CCNI: variants seen among roughly 807,000 people sequenced by gnomAD.
The protein encoded by CCNI is cyclin I, also known as cyclin-I.
CCNI carries 14 observed loss-of-function variants against 34.1 expected under a neutral mutation model. That is an observed-to-expected ratio of 0.41 (90% CI 0.27 to 0.64). The LOEUF is 0.64. Ranked by LOEUF, CCNI falls within the 30% of genes least tolerant of loss-of-function variation. The pLI is 0.31. For missense variants in CCNI, 385 were observed against 440.5 expected (o/e 0.87, Z 1.13); for synonymous variants, 154 against 158.4 (o/e 0.97, Z 0.21).
intron 2 of CCNI, among the ~76,000 whole-genome samples, chr4:77,064,245 C>CA (rs34789250): frequency 0.016 from 2,063 of 127,996 alleles, 43 homozygotes; most frequent in African/African-American, 0.051. Flanking sequence ...AACTCCTTCT[C>CA]AAAAAAAAAA....
At chr4:77,075,415 G>C in intron 1 of CCNI, 57 bp downstream of exon 1, 1 of 745,986 alleles carries the variant, frequency 1.3e-6, no homozygotes, top group Non-Finnish European at 1.6e-6. Context: ...GGGCCCCAGC[G>C]CGTCGACGCC....
chr4:77,049,109 CAA>C (rs943915717), intron 6 of CCNI, among the ~76,000 whole-genome samples: 1 of 145,326 alleles, frequency 6.9e-6, no homozygotes, highest in Non-Finnish European at 1.5e-5. Context: ...AGCCAAAGGG[CAA>C]AAAAAAAATT....
rs893756811 is a variant in CCNI at position 77,074,406 on chromosome 4, C to G, written c.-44+1066G>C. On this transcript the variant is annotated intron_variant, in intron 1 of 6. Transcript: ENST00000237654. ...ATTTGTCCAATCCTTTCTATTTCAT[C>G]TGCCACAAATGACCTGGAAAAGCTA... Among the ~76,000 whole-genome samples, 5 of 152,348 alleles carry G rather than the reference C, an allele frequency of 3.3e-5. No individual in the cohort carries two copies. In the Middle Eastern group the frequency reaches 0.01, roughly 311 times the overall value.
At chr4:77,068,467 C>CA (rs906533242) in intron 1 of CCNI, among the ~76,000 whole-genome samples, 21 of 152,104 alleles carry the variant, frequency 1.4e-4, no homozygotes, top group African/African-American at 4.8e-4. Context: ...ACTGAAATGT[C>CA]AAAAAACAGC....
chr4:77,062,113 G>T lies in CCNI; in HGVS notation c.115-3478C>A, dbSNP rs533510675. Among the ~76,000 whole-genome samples, 27 of 121,010 alleles carry T rather than the reference G, an allele frequency of 2.2e-4. No individual in the cohort carries two copies. The South Asian group carries it at 3.9e-3, about 18-fold the overall frequency. 79.4% of individuals were successfully genotyped at this position (121,010 alleles called of 152,430 possible). ...TTGTTCATATTGCTCCTACTGACTGGAACGCACTCCCTTCTCTCTCACCTG... is the reference window on the plus strand; with the variant it reads ...TTGTTCATATTGCTCCTACTGACTGTAACGCACTCCCTTCTCTCTCACCTG... On this transcript the variant is annotated intron_variant, in intron 2 of 6. Coordinates refer to ENST00000237654, the MANE Select transcript of CCNI (RefSeq NM_006835.3).
At chr4:77,071,699 T>G (rs1366332458) in intron 1 of CCNI, among the ~76,000 whole-genome samples, 2 of 152,108 alleles carry the variant, frequency 1.3e-5, no homozygotes, top group African/African-American at 4.8e-5. Context: ...AAAAGAATTA[T>G]AAAGGAATTT....
At chr4:77,065,723 A>T (rs1055974314) in intron 2 of CCNI, among the ~76,000 whole-genome samples, 2 of 152,232 alleles carry the variant, frequency 1.3e-5, no homozygotes, top group African/African-American at 2.4e-5. Flanking sequence ...GCTGTAACTC[A>T]GATAACAACA....
In CCNI at chr4:77,066,217, A is replaced by C. The variant is rs368716762; in HGVS notation, c.114+32T>G. 11 of 1,579,834 alleles carry C rather than the reference A, an allele frequency of 7.0e-6. No homozygotes were observed. The African/African-American group carries it at 1.5e-4, about 21-fold the overall frequency. On this transcript the variant is annotated intron_variant, in intron 2 of 6. Transcript: ENST00000237654. ...GGCAGTAGTATGTTTATTTCTAATA[A>C]AATTCATCTGTCTTAAGAGAAAAAT...
chr4:77,055,458 CAA>C (rs1304968950), intron 5 of CCNI, 78 bp from the exon 6 acceptor site: 2 of 807,072 alleles, frequency 2.5e-6, no homozygotes, highest in African/African-American at 3.6e-5. Flanking sequence ...GCAACCTATT[CAA>C]TTTCTTTTTT....
rs1727532840 is a variant in CCNI, at chr4:77,047,856, A to C, written c.*363T>G. The C allele has an allele frequency of 5.6e-6, 1 of 177,354 alleles. No homozygotes were observed. Among genetic ancestry groups the C allele is most frequent in the South Asian group, 1.4e-4 (1 of 7,204 alleles). 11.0% of individuals were successfully genotyped at this position (177,354 alleles called of 1,614,324 possible). A position where few individuals can be genotyped will look rare whatever the true frequency, so the allele number is the denominator to read the frequency against. ...CAAGCAAAAGCAACAGGAAAATTAA[A>C]TCAGGATGCTGAGGGGGAACAGGAT... On this transcript the variant is annotated 3_prime_UTR_variant, in exon 7 of 7. Coordinates refer to ENST00000237654, the MANE Select transcript of CCNI (RefSeq NM_006835.3).
chr4:77,050,680 G>C (rs1467677264), intron 6 of CCNI, among the ~76,000 whole-genome samples: 3 of 152,056 alleles, frequency 2.0e-5, no homozygotes, highest in African/African-American at 7.2e-5. Context: ...AAGAAAAAAA[G>C]TTAACATAAC....
rs1355194241 is a variant in CCNI at position 77,055,239 on chromosome 4, T to G, written c.601A>C (p.Met201Leu). Residue 201 changes from methionine to leucine, a missense_variant, in exon 6 of 7, where the codon ATG becomes CTG. Around this residue, in one of 2 missense-constraint regions of CCNI, gnomAD observed 250 missense variants for 248.7 expected, o/e 1.01. Transcript: ENST00000237654. ...AGACTAACCATGGCCAGAGCAAGCA[T>G]GGATCCTCTGAATTGCAGAAGTTGG... ...CNQLLQFRGS[M>L]LALAMVSLEM... 8 of 1,614,012 alleles carry G rather than the reference T, an allele frequency of 5.0e-6. No individual in the cohort carries two copies. Among genetic ancestry groups the G allele is most frequent in the Non-Finnish European group, 6.8e-6 (8 of 1,179,980 alleles).
Position 77,067,221 on chromosome 4 carries a change from C to T in CCNI, c.-43-816G>A, listed in dbSNP as rs181204268. Among the ~76,000 whole-genome samples, 647 of 151,474 alleles carry T rather than the reference C, an allele frequency of 4.3e-3. 3 individuals are homozygous for T. The highest frequency in any genetic ancestry group is 6.2e-3 in the Non-Finnish European group (418 of 67,894). On this transcript the variant is annotated intron_variant, in intron 1 of 6. Transcript: ENST00000237654. Reference sequence around the variant, plus strand: ...CACTCCAGCCTGGGCAACAGGGTGACACTCCGTCTCAAAAACAAACAAACC... The same window carrying T: ...CACTCCAGCCTGGGCAACAGGGTGATACTCCGTCTCAAAAACAAACAAACC...
chr4:77,066,170 G>T, intron 2 of CCNI, 79 bp downstream of exon 2: 1 of 1,137,884 alleles, frequency 8.8e-7, no homozygotes, highest in Non-Finnish European at 1.3e-6. Context: ...CTCCAATGTA[G>T]TGTCAAGATA....
chr4:77,055,587 A>G (rs1055324965), intron 5 of CCNI, among the ~76,000 whole-genome samples: 1 of 151,272 alleles, frequency 6.6e-6, no homozygotes, highest in Non-Finnish European at 1.5e-5. Context: ...CTGCCTCAGC[A>G]TCCTGAGTAG....
Position 77,056,037 on chromosome 4 carries a change from CA to C in CCNI, c.383del (p.Leu128Ter). ...SFCGCSSSEI[L>X]RMERIILDKL... Reference sequence around the variant, plus strand: ...TATCCAGAATAATTCTCTCCATTCTCAAAATTTCAGATGAGGAACATCCACA... The same window carrying C: ...TATCCAGAATAATTCTCTCCATTCTCAAATTTCAGATGAGGAACATCCACA... On this transcript the variant is annotated frameshift_variant, in exon 5 of 7. Coordinates refer to ENST00000237654, the MANE Select transcript of CCNI (RefSeq NM_006835.3). LOFTEE classifies it high-confidence loss of function. 1 of 1,613,592 alleles carries C rather than the reference CA, an allele frequency of 6.2e-7. No individual in the cohort carries two copies. Among genetic ancestry groups the C allele is most frequent in the Non-Finnish European group, 8.5e-7 (1 of 1,179,592 alleles).
chr4:77,074,348 T>A (rs541696369), intron 1 of CCNI, among the ~76,000 whole-genome samples: 1 of 152,366 alleles, frequency 6.6e-6, no homozygotes, highest in African/African-American at 2.4e-5. Flanking sequence ...GATTAGCCAA[T>A]CTACATCTAT....
At chr4:77,059,887 T>C (rs1487162527) in intron 2 of CCNI, among the ~76,000 whole-genome samples, 2 of 152,072 alleles carry the variant, frequency 1.3e-5, no homozygotes, top group Non-Finnish European at 2.9e-5. Flanking sequence ...TTATCCAAAA[T>C]GCCACAACAA....
intron 1 of CCNI, among the ~76,000 whole-genome samples, chr4:77,070,248 C>T (rs754474028): frequency 6.6e-6 from 1 of 151,834 alleles, no homozygotes; most frequent in Non-Finnish European, 1.5e-5. Flanking sequence ...AACTCCTGAC[C>T]TCAAGTGATC....
Sources: gnomAD v4.1 joint callset for allele counts (sites outside exome capture counted in the v4.1 genomes callset) on GRCh38, gnomAD v4.1.1 for gene constraint, gnomAD v4.1.1 regional missense constraint, MANE v1.5 for transcripts, NCBI Gene and HGNC (gene_info 2026-07-23, HGNC 2026-07-21) for gene names.